Variants in DAGLA observed in about 807,000 individuals in gnomAD.
DAGLA encodes the protein diacylglycerol lipase alpha, also known as diacylglycerol lipase-alpha.
DAGLA carries 22 observed loss-of-function variants against 102.6 expected under a neutral mutation model. That is an observed-to-expected ratio of 0.21 (90% CI 0.15 to 0.31). The LOEUF is 0.31. Ranked by LOEUF, DAGLA falls within the 10% of genes least tolerant of loss-of-function variation. The pLI, the probability that DAGLA is intolerant of heterozygous loss-of-function variation, is 1.00. For synonymous variants in DAGLA, 578 were observed against 628.9 expected (o/e 0.92, Z 1.21); for missense variants, 927 against 1,446.6 (o/e 0.64, Z 5.83).
At chr11:61,697,523 A>G (rs897530043) in intron 1 of DAGLA, among the ~76,000 whole-genome samples, 2 of 152,114 alleles carry the variant, frequency 1.3e-5, no homozygotes, top group Admixed American at 1.3e-4. Context: ...GCTGTGGGGC[A>G]GGGTTCCAGG....
At position 61,726,995 on chromosome 11, in the gene DAGLA, G is replaced by A. The variant is rs145121865; in HGVS notation, c.636+913G>A. On this transcript the variant is annotated intron_variant, in intron 6 of 19. Coordinates refer to ENST00000257215, the MANE Select transcript of DAGLA (RefSeq NM_006133.3). ...AGAGGGCAGAGAGCCGGCCCCTGGC[G>A]GATGGAGGCTGGGGCTGCTGTGTGG... 1.3e-3 allele frequency among the ~76,000 whole-genome samples: 196 copies of A among 152,362 alleles called. 1 individual carries two copies. Among genetic ancestry groups the A allele is most frequent in the African/African-American group, 4.5e-3 (186 of 41,580 alleles).
At position 61,738,171 on chromosome 11, in the gene DAGLA, G is replaced by A. The variant is rs1378165485; in HGVS notation, c.1620G>A (p.Gln540=). ...CTCAGCTGGAAGGCTTCCGCAGACA[G>A]CTCCTGGATGTCCTGCAGCGAAGCA... The part of the protein sequence containing the change: ...GLSQLEGFRR[Q]LLDVLQRSTK... The change falls in exon 16 of 20, where the codon CAG becomes CAA. Residue 540 remains glutamine (Q), a synonymous_variant. Coordinates refer to ENST00000257215, the MANE Select transcript of DAGLA (RefSeq NM_006133.3). 6.2e-7 allele frequency: 1 copy of A among 1,613,544 alleles called. No individual in the cohort carries two copies. Among genetic ancestry groups the A allele is most frequent in the African/African-American group, 1.3e-5 (1 of 75,056 alleles).
At chr11:61,737,590 T>G in intron 14 of DAGLA, 97 bp from the exon 15 acceptor site, 1 of 1,237,454 alleles carries the variant, frequency 8.1e-7, no homozygotes, top group African/African-American at 1.5e-5. Flanking sequence ...ATCCCAGGAG[T>G]GCAGGAGCAG....
Position 61,740,488 on chromosome 11 carries a change from T to C in DAGLA, c.1879T>C (p.Tyr627His). The C allele has an allele frequency of 6.2e-7, 1 of 1,613,756 alleles. No individual in the cohort carries two copies. Among genetic ancestry groups the C allele is most frequent in the Non-Finnish European group, 8.5e-7 (1 of 1,179,912 alleles). The change falls in exon 18 of 20, where the codon TAC becomes CAC. Residue 627 changes from tyrosine to histidine, a missense_variant. This residue lies in a region of DAGLA where 218 missense variants were observed against 459.6 expected (regional missense o/e 0.47). Coordinates refer to ENST00000257215, the MANE Select transcript of DAGLA (RefSeq NM_006133.3). ...CTGCTGTGAGCAGGAGGAGCCCACA[T>C]ACTTTGCCATCTGGGGCGACAACAA... Reference protein sequence around the residue: ...CCCCEQEEPTYFAIWGDNKAF... With the variant: ...CCCCEQEEPTHFAIWGDNKAF...
intron 5 of DAGLA, 66 bp downstream of exon 5, chr11:61,723,638 A>C: frequency 1.3e-6 from 2 of 1,578,884 alleles, no homozygotes; most frequent in Non-Finnish European, 1.7e-6. Flanking sequence ...AGAGGTCTCC[A>C]TTCTTCAGAA....
intron 1 of DAGLA, among the ~76,000 whole-genome samples, chr11:61,682,455 T>A (rs1358286617): frequency 6.6e-6 from 1 of 152,012 alleles, no homozygotes; most frequent in East Asian, 1.9e-4. Flanking sequence ...CTGTTGACAC[T>A]GTGAGTCAGC....
chr11:61,692,804 T>C (rs540523129), intron 1 of DAGLA, among the ~76,000 whole-genome samples: 3 of 151,980 alleles, frequency 2.0e-5, no homozygotes, highest in Non-Finnish European at 2.9e-5. Flanking sequence ...ACATCTTGTA[T>C]GTGGACTACT....
At chr11:61,706,091 C>T (rs763517345) in intron 1 of DAGLA, among the ~76,000 whole-genome samples, 18 of 152,252 alleles carry the variant, frequency 1.2e-4, no homozygotes, top group Non-Finnish European at 2.1e-4. Flanking sequence ...AACTGCAGAA[C>T]AGTCTAACAG....
rs765545163 is a variant in DAGLA, at chr11:61,743,520, C to T, written c.2172-12C>T. On this transcript the variant is annotated splice_polypyrimidine_tract_variant and intron_variant, in intron 19 of 19. Coordinates refer to ENST00000257215, the MANE Select transcript of DAGLA (RefSeq NM_006133.3). Reference sequence around the variant, plus strand: ...TGAGTCTTATACCCCCTGCTCTCCTCTCCCTCTGCAGGAGCAAGTCCCAGT... The same window carrying T: ...TGAGTCTTATACCCCCTGCTCTCCTTTCCCTCTGCAGGAGCAAGTCCCAGT... 2 of 1,506,532 alleles carry T rather than the reference C, an allele frequency of 1.3e-6. No homozygotes were observed. The highest frequency in any genetic ancestry group is 1.4e-5 in the African/African-American group (1 of 71,834). 93.3% of individuals were successfully genotyped at this position (1,506,532 alleles called of 1,614,324 possible). A position where few individuals can be genotyped will look rare whatever the true frequency, so the allele number is the denominator to read the frequency against.
At chr11:61,738,278 C>A in intron 16 of DAGLA, 71 bp downstream of exon 16, 1 of 1,348,640 alleles carries the variant, frequency 7.4e-7, no homozygotes, top group East Asian at 2.4e-5. Context: ...CCACCGGTTT[C>A]TTGGGACAAA....
chr11:61,684,958 C>T lies in DAGLA; in HGVS notation c.-45+4454C>T, dbSNP rs758532018. Among the ~76,000 whole-genome samples, 1 of 152,072 alleles carries T rather than the reference C, an allele frequency of 6.6e-6. No individual in the cohort carries two copies. Among genetic ancestry groups the T allele is most frequent in the Admixed American group, 6.5e-5 (1 of 15,272 alleles). On this transcript the variant is annotated intron_variant, in intron 1 of 19. Coordinates refer to ENST00000257215, the MANE Select transcript of DAGLA (RefSeq NM_006133.3). The surrounding 1 kb of genome is among the most constrained non-coding windows in gnomAD (Gnocchi z 4.5). ...TTACATGAGGAGCCGAGTGCTTTCT[C>T]AGTATTCCTTAGAAGGAAGCTGGGC...
chr11:61,720,808 C>T lies in DAGLA; in HGVS notation c.225C>T (p.Ala75=), dbSNP rs2065275246. 1.9e-6 allele frequency: 3 copies of T among 1,613,680 alleles called. No homozygotes were observed. The highest frequency in any genetic ancestry group is 1.3e-5 in the African/African-American group (1 of 74,940). The part of the protein sequence containing the change: ...ILLSCMIAEM[A]IIWLSMRGGI... ...TGAGCTGCATGATCGCTGAGATGGC[C>T]ATCATCTGGCTGAGCATGCGCGGGG... Residue 75 remains alanine (A), a synonymous_variant, in exon 3 of 20, where the codon GCC becomes GCT. Transcript: ENST00000257215.
At position 61,743,790 on chromosome 11, in the gene DAGLA, C is replaced by A. The variant is rs150806850; in HGVS notation, c.2430C>A (p.His810Gln). Reference sequence around the variant, plus strand: ...GCATCCGGGGCTCCCCCAGCCTCCACGCTGTGCTGGAGCGTGATGAAGGCC... The same window carrying A: ...GCATCCGGGGCTCCCCCAGCCTCCAAGCTGTGCTGGAGCGTGATGAAGGCC... The part of the protein sequence containing the change: ...FRSIRGSPSL[H>Q]AVLERDEGHL... Residue 810 changes from histidine to glutamine, a missense_variant, in exon 20 of 20, where the codon CAC becomes CAA. His to Gln is a conservative substitution (Grantham distance 24, BLOSUM62 0). Around this residue, in one of 4 missense-constraint regions of DAGLA, gnomAD observed 434 missense variants for 503.3 expected, o/e 0.86. Transcript: ENST00000257215. 1.6e-3 allele frequency: 2,512 copies of A among 1,612,524 alleles called. 3 individuals carry two copies. The highest frequency in any genetic ancestry group is 2.0e-3 in the Non-Finnish European group (2,315 of 1,179,940).
At chr11:61,737,778 T>C in intron 15 of DAGLA, 23 bp downstream of exon 15, 4 of 1,610,692 alleles carry the variant, frequency 2.5e-6, no homozygotes, top group South Asian at 1.1e-5. Context: ...CCCCGCTCCA[T>C]GGTCCCTTGC....
At position 61,686,744 on chromosome 11, in the gene DAGLA, A is replaced by G. The variant is rs77789549; in HGVS notation, c.-45+6240A>G. Among the ~76,000 whole-genome samples the G allele has an allele frequency of 2.0e-5, 3 of 152,152 alleles. No individual in the cohort carries two copies. In the South Asian group the frequency reaches 6.2e-4, roughly 32 times the overall value. ...ATTCATCCTGAATGGGCCCCTCGTC[A>G]TTGTCTCTCCTGGAGCCATTTAATT... is the stretch of plus-strand genomic sequence containing the variant. On this transcript the variant is annotated intron_variant, in intron 1 of 19. Coordinates refer to ENST00000257215, the MANE Select transcript of DAGLA (RefSeq NM_006133.3). This position sits in a 1 kb window ranked among gnomAD's most constrained non-coding sequence, Gnocchi z 5.2.
intron 9 of DAGLA, among the ~76,000 whole-genome samples, chr11:61,732,233 A>G (rs1591049012): frequency 6.6e-6 from 1 of 151,756 alleles, no homozygotes; most frequent in Non-Finnish European, 1.5e-5. Context: ...TTTCCTTGAC[A>G]CCCCTGCCCT....
At chr11:61,737,156 G>C in intron 13 of DAGLA, 26 bp from the exon 14 acceptor site, 1 of 1,612,834 alleles carries the variant, frequency 6.2e-7, no homozygotes, top group Non-Finnish European at 8.5e-7. Flanking sequence ...TTGGGGCAGG[G>C]CTCTCAGGCT....
At chr11:61,738,312 G>C (rs1247275804) in intron 16 of DAGLA, 105 bp downstream of exon 16, 9 of 926,120 alleles carry the variant, frequency 9.7e-6, no homozygotes, top group Non-Finnish European at 1.5e-5. Context: ...TGCCATGGAA[G>C]GCCAGGGCAG....
chr11:61,735,670 C>T, intron 11 of DAGLA, 26 bp downstream of exon 11: 1 of 1,613,236 alleles, frequency 6.2e-7, no homozygotes, highest in South Asian at 1.1e-5. Context: ...CTCCCAGCCC[C>T]CGGGGGTGCC....
Sources: gnomAD v4.1 joint callset for allele counts (sites outside exome capture counted in the v4.1 genomes callset) on GRCh38, gnomAD v4.1.1 for gene constraint, gnomAD v4.1.1 regional missense constraint, Gnocchi (gnomAD v3.1) non-coding constraint, MANE v1.5 for transcripts, NCBI Gene and HGNC (gene_info 2026-07-23, HGNC 2026-07-21) for gene names.